Variants in COCH observed in about 807,000 individuals in gnomAD.
COCH encodes coagulation factor C homolog, cochlin (Limulus polyphemus).
COCH carries 40 observed loss-of-function variants against 54.8 expected under a neutral mutation model. The observed-to-expected ratio is 0.73, with a 90% CI of 0.57 to 0.95. The LOEUF is 0.95. Among genes scored for constraint, COCH ranks in the 40% least tolerant of loss-of-function variants. COCH has a pLI of 0.00. For synonymous variants in COCH, 256 were observed against 237.9 expected, an observed-to-expected ratio of 1.08 and a Z score of -0.70; for missense variants, 605 against 675.0, an observed-to-expected ratio of 0.90 and a Z score of 1.15.
intron 11 of COCH, among the ~76,000 whole-genome samples, chr14:30,887,613 C>G (rs1895835417): frequency 6.6e-6 from 1 of 152,120 alleles, no homozygotes; most frequent in Non-Finnish European, 1.5e-5. Context: ...GAGGATATAA[C>G]TGAGTGACAG....
rs1566406629 is a variant in COCH, at chr14:30,877,588, A to C, written c.99A>C (p.Thr33=). 1 of 1,614,140 alleles carries C rather than the reference A, an allele frequency of 6.2e-7. No individual in the cohort carries two copies. Among genetic ancestry groups the C allele is most frequent in the Admixed American group, 1.7e-5 (1 of 60,018 alleles). ...GSEGAAPIAI[T]CFTRGLDIRK... is the part of the protein sequence containing the mutation. The stretch of plus-strand genomic sequence containing the variant: ...TTTCTTCAGCTCCCATTGCTATCAC[A>C]TGTTTTACCAGAGGCTTGGACATCA... Residue 33 remains threonine, a synonymous_variant, in exon 4 of 12, where the codon ACA becomes ACC. Transcript: ENST00000396618. This position sits in a 1 kb window ranked among gnomAD's most constrained non-coding sequence, Gnocchi z 8.6.
chr14:30,878,841 A>G lies in COCH; in HGVS notation c.270A>G (p.Val90=). Reference sequence around the variant, plus strand: ...TAATCAGCAACTCAGGGGGACCTGTACGAGTCTATAGCCTACCTGGTCGAG... The same window carrying G: ...TAATCAGCAACTCAGGGGGACCTGTGCGAGTCTATAGCCTACCTGGTCGAG... The part of the protein sequence containing the change: ...RGVISNSGGP[V]RVYSLPGREN... The change falls in exon 5 of 12, where the codon GTA becomes GTG. Residue 90 remains valine (V), a synonymous_variant. Transcript: ENST00000396618. The G allele has an allele frequency of 6.2e-7, 1 of 1,614,146 alleles. No individual in the cohort carries two copies. Among genetic ancestry groups the G allele is most frequent in the Admixed American group, 1.7e-5 (1 of 60,014 alleles).
intron 8 of COCH, among the ~76,000 whole-genome samples, chr14:30,882,124 T>TG (rs1566410358): frequency 4.5e-4 from 44 of 97,454 alleles, no homozygotes; most frequent in Non-Finnish European, 3.0e-4. Context: ...AAAATGGTTT[T>TG]TTTTTTTTTT....
chr14:30,886,903 G>C (rs192521206), intron 11 of COCH, among the ~76,000 whole-genome samples: 13 of 152,180 alleles, frequency 8.5e-5, no homozygotes, highest in Non-Finnish European at 1.8e-4. Context: ...TTTTTTTGGG[G>C]AGAGACGGGG....
In COCH at chr14:30,877,516, C is replaced by T; in HGVS notation, c.83-56C>T. The T allele has an allele frequency of 3.1e-6, 5 of 1,602,854 alleles. No individual in the cohort carries two copies. Among genetic ancestry groups the T allele is most frequent in the South Asian group, 2.2e-5 (2 of 90,654 alleles). ...AAATCTCACACTGTAGTCTCCCCAC[C>T]ACTATGCCCCAAGAAGTCCTAAGAA... On this transcript the variant is annotated intron_variant, in intron 3 of 11. Coordinates refer to ENST00000396618, the MANE Select transcript of COCH (RefSeq NM_004086.3). This position sits in a 1 kb window ranked among gnomAD's most constrained non-coding sequence, Gnocchi z 8.6.
downstream of COCH, among the ~76,000 whole-genome samples, chr14:30,890,963 G>A (rs891983424): frequency 3.3e-5 from 5 of 151,940 alleles, no homozygotes; most frequent in African/African-American, 1.2e-4. Flanking sequence ...TGCTTGAGCC[G>A]AGGAGGTCAA....
intron 11 of COCH, among the ~76,000 whole-genome samples, chr14:30,887,872 T>G (rs969993253): frequency 5.3e-5 from 8 of 152,244 alleles, no homozygotes; most frequent in African/African-American, 1.9e-4. Context: ...TAAAGACCTG[T>G]TTACTATCAT....
At chr14:30,886,903 G>T (rs192521206) in intron 11 of COCH, among the ~76,000 whole-genome samples, 1 of 152,062 alleles carries the variant, frequency 6.6e-6, no homozygotes, top group Non-Finnish European at 1.5e-5. Flanking sequence ...TTTTTTTGGG[G>T]AGAGACGGGG....
At chr14:30,882,038 T>G (rs913235693) in intron 8 of COCH, among the ~76,000 whole-genome samples, 6 of 150,344 alleles carry the variant, frequency 4.0e-5, no homozygotes, top group African/African-American at 1.2e-4. Context: ...AATATGCTCA[T>G]TATAGAAAGC....
intron 8 of COCH, 28 bp downstream of exon 8, chr14:30,880,762 T>TAA: frequency 4.0e-6 from 6 of 1,511,526 alleles, no homozygotes; most frequent in Non-Finnish European, 4.6e-6. Flanking sequence ...ATGGGAGATT[T>TAA]AAAAAAAAAA....
At position 30,889,998 on chromosome 14, in the gene COCH, G is replaced by C; in HGVS notation, c.*207G>C. Reference sequence around the variant, plus strand: ...TGTACTTTGTTAAAAACACTGCTGAGGCTTCATAATCATGGCTCTTAGAAA... The same window carrying C: ...TGTACTTTGTTAAAAACACTGCTGACGCTTCATAATCATGGCTCTTAGAAA... On this transcript the variant is annotated 3_prime_UTR_variant, in exon 12 of 12. Transcript: ENST00000396618. 7.8e-7 allele frequency: 1 copy of C among 1,285,800 alleles called. No homozygotes were observed. The highest frequency in any genetic ancestry group is 9.9e-7 in the Non-Finnish European group (1 of 1,014,026). 79.6% of individuals were successfully genotyped at this position (1,285,800 alleles called of 1,614,324 possible).
intron 8 of COCH, among the ~76,000 whole-genome samples, chr14:30,883,760 C>T (rs2138867128): frequency 6.6e-6 from 1 of 152,254 alleles, no homozygotes; most frequent in Non-Finnish European, 1.5e-5. Flanking sequence ...CTCTGCTGAA[C>T]ACAGAGTAGT....
chr14:30,889,205 C>A, intron 11 of COCH: 1 of 210,392 alleles, frequency 4.8e-6, no homozygotes, highest in Non-Finnish European at 9.7e-6. Flanking sequence ...CTCCAGTATA[C>A]TGTTTGATGC....
chr14:30,887,168 G>A (rs1300633863), intron 11 of COCH, among the ~76,000 whole-genome samples: 4 of 152,038 alleles, frequency 2.6e-5, no homozygotes, highest in African/African-American at 4.8e-5. Flanking sequence ...TGAGGTGGGC[G>A]GGATCACCTG....
rs978000615 is a variant in COCH at position 30,890,359 on chromosome 14, A to C, written c.*568A>C. On this transcript the variant is annotated 3_prime_UTR_variant, in exon 12 of 12. Transcript: ENST00000396618. ...CAAACTGCTTTTGTAGTGTGTTTTC[A>C]TAACAACTTATGACTAAAAATATCA... is the stretch of plus-strand genomic sequence containing the variant. 1.0e-6 allele frequency: 1 copy of C among 985,510 alleles called. No individual in the cohort carries two copies. The highest frequency in any genetic ancestry group is 1.2e-6 in the Non-Finnish European group (1 of 829,972). 61.0% of individuals were successfully genotyped at this position (985,510 alleles called of 1,614,324 possible). A position where few individuals can be genotyped will look rare whatever the true frequency, so the allele number is the denominator to read the frequency against.
chr14:30,894,822 TA>T, downstream of COCH: 1 of 429,740 alleles, frequency 2.3e-6, no homozygotes, highest in Non-Finnish European at 3.6e-6. Context: ...AAAAGACTTA[TA>T]AAAACTAGAA....
chr14:30,877,675 TGG>T lies in COCH; in HGVS notation c.188_189del (p.Gly63GlufsTer31). ...GCPLEEFSVY[G>X]NIVYASVSSI... ...GCCCTCTTGAGGAATTCTCTGTGTATGGGAACATAGTATATGCTTCTGTATCG... is the reference window on the plus strand; with the variant it reads ...GCCCTCTTGAGGAATTCTCTGTGTATGAACATAGTATATGCTTCTGTATCG... On this transcript the variant is annotated frameshift_variant, in exon 4 of 12. Transcript: ENST00000396618. LOFTEE classifies it high-confidence loss of function. The surrounding 1 kb of genome is among the most constrained non-coding windows in gnomAD (Gnocchi z 8.6). The T allele has an allele frequency of 6.2e-7, 1 of 1,614,220 alleles. No homozygotes were observed. Among genetic ancestry groups the T allele is most frequent in the South Asian group, 1.1e-5 (1 of 91,078 alleles).
At chr14:30,875,221 C>T in intron 3 of COCH, 118 bp downstream of exon 3, 1 of 1,401,630 alleles carries the variant, frequency 7.1e-7, no homozygotes, top group South Asian at 1.3e-5. Context: ...GAGGAAGGCG[C>T]GAAGGTTGAG....
intron 8 of COCH, among the ~76,000 whole-genome samples, chr14:30,881,802 C>CA (rs74318936): frequency 0.058 from 8,401 of 144,666 alleles, 415 homozygotes; most frequent in East Asian, 0.27. Context: ...ACTAAAAATA[C>CA]AAAAAAAAAA....
Sources: gnomAD v4.1 joint callset for allele counts (sites outside exome capture counted in the v4.1 genomes callset) on GRCh38, gnomAD v4.1.1 for gene constraint, Gnocchi (gnomAD v3.1) non-coding constraint, MANE v1.5 for transcripts, NCBI Gene and HGNC (gene_info 2026-07-23, HGNC 2026-07-21) for gene names.